SGTA: variants seen among roughly 807,000 people sequenced by gnomAD.
The protein encoded by SGTA is small glutamine rich tetratricopeptide repeat co-chaperone alpha.
SGTA carries 22 observed loss-of-function variants against 44.3 expected under a neutral mutation model. The ratio of observed to expected loss-of-function variants is 0.50; its 90% CI spans 0.36 to 0.71. The LOEUF (loss-of-function observed/expected upper bound fraction) is 0.71. Ranked by LOEUF, SGTA falls within the 30% of genes least tolerant of loss-of-function variation. SGTA has a pLI of 0.00. For missense variants in SGTA, 341 were observed against 435.9 expected (o/e 0.78, Z 1.94); for synonymous variants, 174 against 177.6 (o/e 0.98, Z 0.16).
At chr19:2,772,802 A>G (rs1370937191) in intron 1 of SGTA, among the ~76,000 whole-genome samples, 1 of 145,022 alleles carries the variant, frequency 6.9e-6, no homozygotes, top group Non-Finnish European at 1.5e-5. Context: ...CACCGAGGGC[A>G]GAGATGGGTG....
In SGTA at chr19:2,761,455, G is replaced by A. The variant is rs764732243; in HGVS notation, c.699+5C>T. 25 of 1,551,128 alleles carry A rather than the reference G, an allele frequency of 1.6e-5. No homozygotes were observed. In the Admixed American group the frequency reaches 1.8e-4, roughly 11 times the overall value. ...CATGGACAGGGAGGAGGGGCGGGCCGTTACCATGCTCATGAAGCCAGGGTT... is the reference window on the plus strand; with the variant it reads ...CATGGACAGGGAGGAGGGGCGGGCCATTACCATGCTCATGAAGCCAGGGTT... On this transcript the variant is annotated splice_donor_5th_base_variant and intron_variant, in intron 8 of 11. Transcript: ENST00000221566. This position sits in a 1 kb window ranked among gnomAD's most constrained non-coding sequence, Gnocchi z 5.7.
Position 2,761,611 on chromosome 19 carries a change from C to A in SGTA, c.637-89G>T. 1.8e-6 allele frequency: 2 copies of A among 1,088,136 alleles called. No individual in the cohort carries two copies. The highest frequency in any genetic ancestry group is 1.4e-6 in the Non-Finnish European group (1 of 732,682). The allele number at this position is 1,088,136 out of a possible 1,614,324, so 67.4% of individuals were successfully genotyped here. ...GGAACTCAGAAACAACGGCCCCCCA[C>A]GGGGCTCAGACATTCTATCAACCCT... On this transcript the variant is annotated intron_variant, in intron 7 of 11. Transcript: ENST00000221566. This position sits in a 1 kb window ranked among gnomAD's most constrained non-coding sequence, Gnocchi z 5.7.
rs757139765 is a variant in SGTA, at chr19:2,755,895, C to T, written c.*45G>A. 17 of 985,598 alleles carry T rather than the reference C, an allele frequency of 1.7e-5. No individual in the cohort carries two copies. The highest frequency in any genetic ancestry group is 1.4e-4 in the African/African-American group (8 of 57,224). The allele number at this position is 985,598 out of a possible 1,614,324, so 61.1% of individuals were successfully genotyped here. On this transcript the variant is annotated 3_prime_UTR_variant, in exon 12 of 12. Transcript: ENST00000221566. This position sits in a 1 kb window ranked among gnomAD's most constrained non-coding sequence, Gnocchi z 5.2. ...TGGCAGACAACCAGAAGGCTTCCTT[C>T]GGGTCGGCCAGGGAAGGACGCGGTC...
intron 1 of SGTA, among the ~76,000 whole-genome samples, chr19:2,771,373 G>A (rs1386037123): frequency 2.0e-5 from 3 of 152,014 alleles, no homozygotes; most frequent in African/African-American, 7.3e-5. Flanking sequence ...GCAGTGAGCT[G>A]AGATCACACC....
Position 2,762,635 on chromosome 19 carries a change from G to C in SGTA, c.507C>G (p.Leu169=), listed in dbSNP as rs748271873. 2 of 1,613,870 alleles carry C rather than the reference G, an allele frequency of 1.2e-6. No individual in the cohort carries two copies. Residue 169 remains leucine (L), a synonymous_variant, in exon 7 of 12, where the codon CTC becomes CTG. Transcript: ENST00000221566. ...SKAYGRMGLA[L]SSLNKHVEAV... ...CCTCCACGTGCTTGTTGAGGCTGGAGAGCGCCAGGCTGGAGGAGAGCACCG... is the reference window on the plus strand; with the variant it reads ...CCTCCACGTGCTTGTTGAGGCTGGACAGCGCCAGGCTGGAGGAGAGCACCG...
Position 2,763,260 on chromosome 19 carries a change from C to T in SGTA, c.497+393G>A, listed in dbSNP as rs144451748. ...GGAGGGCGGCACCGGCTGCACGGGGCGCAGGCTCCTGCCCCGGGGACCCTC... is the reference window on the plus strand; with the variant it reads ...GGAGGGCGGCACCGGCTGCACGGGGTGCAGGCTCCTGCCCCGGGGACCCTC... On this transcript the variant is annotated intron_variant, in intron 6 of 11. Coordinates refer to ENST00000221566, the MANE Select transcript of SGTA (RefSeq NM_003021.4). The surrounding 1 kb of genome is among the most constrained non-coding windows in gnomAD (Gnocchi z 5.8). Among the ~76,000 whole-genome samples, 781 of 152,318 alleles carry T rather than the reference C, an allele frequency of 5.1e-3. 8 individuals are homozygous for T. The highest frequency in any genetic ancestry group is 0.018 in the African/African-American group (749 of 41,568).
Position 2,767,502 on chromosome 19 carries a change from G to C in SGTA, c.207+78C>G. 1 of 1,194,654 alleles carries C rather than the reference G, an allele frequency of 8.4e-7. No individual in the cohort carries two copies. The highest frequency in any genetic ancestry group is 1.2e-6 in the Non-Finnish European group (1 of 811,244). 74.0% of individuals were successfully genotyped at this position (1,194,654 alleles called of 1,614,324 possible). ...AGTGCTGGGGGACGATGAGAGCGGG[G>C]CTCCTGGGGTCCCCAGGGCTGCCTG... On this transcript the variant is annotated intron_variant, in intron 3 of 11. Transcript: ENST00000221566. This position sits in a 1 kb window ranked among gnomAD's most constrained non-coding sequence, Gnocchi z 7.3.
intron 8 of SGTA, among the ~76,000 whole-genome samples, chr19:2,760,398 A>G (rs1041831599): frequency 6.6e-6 from 1 of 151,028 alleles, no homozygotes; most frequent in Non-Finnish European, 1.5e-5. Flanking sequence ...GGCACCTGTA[A>G]TCCCAGCTAC....
chr19:2,766,980 C>T (rs1406083526), intron 4 of SGTA, among the ~76,000 whole-genome samples, 156 bp downstream of exon 4: 1 of 152,110 alleles, frequency 6.6e-6, no homozygotes, highest in African/African-American at 2.4e-5. Context: ...TCGCCAGTCC[C>T]CCTTCCGTCC....
chr19:2,755,467 G>T lies in SGTA; in HGVS notation c.*473C>A. 1 of 987,596 alleles carries T rather than the reference G, an allele frequency of 1.0e-6. No individual in the cohort carries two copies. The highest frequency in any genetic ancestry group is 1.2e-6 in the Non-Finnish European group (1 of 830,234). The allele number at this position is 987,596 out of a possible 1,614,324, so 61.2% of individuals were successfully genotyped here. On this transcript the variant is annotated 3_prime_UTR_variant, in exon 12 of 12. Transcript: ENST00000221566. This position sits in a 1 kb window ranked among gnomAD's most constrained non-coding sequence, Gnocchi z 5.2. Reference sequence around the variant, plus strand: ...GTGAGCTCTTCCGAGCAGGCACAGGGCCGGGGTGGCCGGGAGGTCGACTCG... The same window carrying T: ...GTGAGCTCTTCCGAGCAGGCACAGGTCCGGGGTGGCCGGGAGGTCGACTCG...
chr19:2,783,199 A>G (rs1599512481), intron 1 of SGTA, 34 bp downstream of exon 1: 1 of 152,190 alleles, frequency 6.6e-6, no homozygotes, highest in East Asian at 1.9e-4. Context: ...CAGACCCCAG[A>G]CCCACCAGGC....
intron 9 of SGTA, 68 bp downstream of exon 9, chr19:2,759,189 G>T: frequency 7.0e-7 from 1 of 1,435,304 alleles, no homozygotes; most frequent in Non-Finnish European, 9.8e-7. Context: ...TTTATGTTAA[G>T]TGAATTTACC....
In SGTA at chr19:2,763,241, C is replaced by T. The variant is rs1383713358; in HGVS notation, c.497+412G>A. On this transcript the variant is annotated intron_variant, in intron 6 of 11. Coordinates refer to ENST00000221566, the MANE Select transcript of SGTA (RefSeq NM_003021.4). The surrounding 1 kb of genome is among the most constrained non-coding windows in gnomAD (Gnocchi z 5.8). ...CGAATGCACGCTTATGCTGGGAGGG[C>T]GGCACCGGCTGCACGGGGCGCAGGC... Among the ~76,000 whole-genome samples, 1 of 152,182 alleles carries T rather than the reference C, an allele frequency of 6.6e-6. No individual in the cohort carries two copies. Among genetic ancestry groups the T allele is most frequent in the Non-Finnish European group, 1.5e-5 (1 of 68,030 alleles).
At chr19:2,766,790 T>C (rs1364349120) in intron 4 of SGTA, among the ~76,000 whole-genome samples, 13 of 151,692 alleles carry the variant, frequency 8.6e-5, no homozygotes, top group Middle Eastern at 3.2e-3. Context: ...GTGTCTGGGT[T>C]TTGGTGGACA....
intron 1 of SGTA, among the ~76,000 whole-genome samples, chr19:2,775,363 C>T (rs928578820): frequency 1.3e-5 from 2 of 152,210 alleles, no homozygotes; most frequent in South Asian, 2.1e-4. Flanking sequence ...TAACCCACCC[C>T]GCGCCAGAGA....
At position 2,758,624 on chromosome 19, in the gene SGTA, G is replaced by A. The variant is rs944034996; in HGVS notation, c.737+633C>T. Among the ~76,000 whole-genome samples the A allele has an allele frequency of 8.5e-5, 13 of 152,320 alleles. No homozygotes were observed. The South Asian group carries it at 1.2e-3, about 15-fold the overall frequency. On this transcript the variant is annotated intron_variant, in intron 9 of 11. Coordinates refer to ENST00000221566, the MANE Select transcript of SGTA (RefSeq NM_003021.4). ...GGAGTGACCCTATGAGCCAGCGAGT[G>A]CACTCAGAAGTTTATATCCAAGAGA...
intron 6 of SGTA, among the ~76,000 whole-genome samples, chr19:2,762,854 C>T (rs1915038190): frequency 6.6e-6 from 1 of 152,190 alleles, no homozygotes; most frequent in African/African-American, 2.4e-5. Context: ...ACCCCTGCCA[C>T]ACAAGAACTG....
chr19:2,774,964 G>A (rs1288358781), intron 1 of SGTA, among the ~76,000 whole-genome samples: 1 of 152,202 alleles, frequency 6.6e-6, no homozygotes, highest in African/African-American at 2.4e-5. Context: ...CATGGAGTGG[G>A]GGGAGGCCAG....
chr19:2,768,788 G>T (rs369224851), intron 2 of SGTA, among the ~76,000 whole-genome samples, 181 bp downstream of exon 2: 1 of 152,226 alleles, frequency 6.6e-6, no homozygotes, highest in Non-Finnish European at 1.5e-5. Flanking sequence ...GGCTCAGCTC[G>T]GCCCTGGCTC....
Sources: allele counts gnomAD v4.1 joint callset (sites outside exome capture counted in the v4.1 genomes callset), GRCh38; gene constraint gnomAD v4.1.1; non-coding constraint Gnocchi (gnomAD v3.1); transcripts MANE v1.5; gene names NCBI Gene and HGNC (gene_info 2026-07-23, HGNC 2026-07-21).